Variants in SLC22A23 observed in about 807,000 individuals in gnomAD.
The protein encoded by SLC22A23 is ion transporter protein.
In SLC22A23, 26 loss-of-function variants were observed where a neutral mutation model predicts 61.0. The ratio of observed to expected loss-of-function variants is 0.43; its 90% confidence interval spans 0.31 to 0.59. SLC22A23 has a LOEUF of 0.59. SLC22A23 is among the 20% of genes least tolerant of loss of function. SLC22A23 has a pLI of 0.11. For synonymous variants in SLC22A23, 430 were observed against 413.9 expected, an observed-to-expected ratio of 1.04 and a Z score of -0.47; for missense variants, 796 against 934.7, an observed-to-expected ratio of 0.85 and a Z score of 1.94.
intron 1 of SLC22A23, among the ~76,000 whole-genome samples, chr6:3,422,640 A>G (rs1198643810): frequency 6.6e-6 from 1 of 152,152 alleles, no homozygotes; most frequent in East Asian, 1.9e-4. Context: ...ACAACTGCCA[A>G]TTAGAGTTGG....
intron 1 of SLC22A23, among the ~76,000 whole-genome samples, chr6:3,434,231 T>C (rs1347895690): frequency 6.6e-6 from 1 of 152,132 alleles, no homozygotes; most frequent in African/African-American, 2.4e-5. Context: ...GAGAATCACT[T>C]GAACCCGGGA....
chr6:3,374,831 CAAGT>C (rs757078146), intron 3 of SLC22A23, among the ~76,000 whole-genome samples: 8 of 152,122 alleles, frequency 5.3e-5, no homozygotes, highest in Non-Finnish European at 8.8e-5. Flanking sequence ...TAGATCTGTC[CAAGT>C]AAGACCTCAG....
intron 9 of SLC22A23, among the ~76,000 whole-genome samples, chr6:3,282,717 G>T (rs1292963817): frequency 3.3e-5 from 5 of 152,220 alleles, no homozygotes; most frequent in Non-Finnish European, 5.9e-5. Flanking sequence ...CCTTTAAGAA[G>T]TTCAGTGTGG....
chr6:3,365,716 A>T (rs977083582), intron 3 of SLC22A23, among the ~76,000 whole-genome samples: 2 of 152,196 alleles, frequency 1.3e-5, no homozygotes, highest in Non-Finnish European at 2.9e-5. Context: ...CCTATAGACA[A>T]GGGCTGAACC....
intron 3 of SLC22A23, among the ~76,000 whole-genome samples, chr6:3,394,936 C>A (rs1053443120): frequency 1.3e-5 from 2 of 152,168 alleles, no homozygotes; most frequent in Non-Finnish European, 2.9e-5. Context: ...GAGTCACAGG[C>A]AGGGGGCAGG....
At chr6:3,421,610 G>C (rs1770139728) in intron 1 of SLC22A23, among the ~76,000 whole-genome samples, 1 of 152,106 alleles carries the variant, frequency 6.6e-6, no homozygotes, top group South Asian at 2.1e-4. Flanking sequence ...CTAAAGAGTA[G>C]AAATAAGACT....
intron 1 of SLC22A23, among the ~76,000 whole-genome samples, chr6:3,447,540 G>C (rs1771953787): frequency 6.6e-6 from 1 of 151,844 alleles, no homozygotes; most frequent in Admixed American, 6.6e-5. Flanking sequence ...GCTCAGAACA[G>C]GCACTCAAAT....
chr6:3,288,868 G>A (rs758151158), intron 6 of SLC22A23, among the ~76,000 whole-genome samples: 2 of 152,156 alleles, frequency 1.3e-5, no homozygotes, highest in Non-Finnish European at 2.9e-5. Context: ...CTGTTGTTTG[G>A]GCAGTAGAGC....
In SLC22A23 at chr6:3,414,908, C is replaced by A. The variant is rs764768954; in HGVS notation, c.758+844G>T. On this transcript the variant is annotated intron_variant, in intron 2 of 9. Coordinates refer to ENST00000406686, the MANE Select transcript of SLC22A23 (RefSeq NM_015482.2). This position sits in a 1 kb window ranked among gnomAD's most constrained non-coding sequence, Gnocchi z 5.1. ...GACCACAGAATGCCTTAAATAAAAG[C>A]GCTGCAGCATCCTGGTGGAGGGGCA... 6.6e-6 allele frequency among the ~76,000 whole-genome samples: 1 copy of A among 152,136 alleles called. No individual in the cohort carries two copies. The highest frequency in any genetic ancestry group is 2.4e-5 in the African/African-American group (1 of 41,430).
At chr6:3,344,467 T>C (rs1173444988) in intron 3 of SLC22A23, among the ~76,000 whole-genome samples, 5 of 152,208 alleles carry the variant, frequency 3.3e-5, no homozygotes, top group Admixed American at 2.0e-4. Flanking sequence ...AAGGGCTGTA[T>C]TGAAAAGTTC....
rs554464088 is a variant in SLC22A23 at position 3,440,701 on chromosome 6, C to T, written c.654+15205G>A. Reference sequence around the variant, plus strand: ...TAGCCTGGGCAACAGAGCAAGACTCCGTCTCAGAAAAAAAAAAAAAAAGAA... The same window carrying T: ...TAGCCTGGGCAACAGAGCAAGACTCTGTCTCAGAAAAAAAAAAAAAAAGAA... On this transcript the variant is annotated intron_variant, in intron 1 of 9. Coordinates refer to ENST00000406686, the MANE Select transcript of SLC22A23 (RefSeq NM_015482.2). 7.8e-5 allele frequency among the ~76,000 whole-genome samples: 9 copies of T among 116,044 alleles called. 1 individual carries two copies. The highest frequency in any genetic ancestry group is 2.2e-4 in the African/African-American group (6 of 27,478). The allele number at this position is 116,044 out of a possible 152,430, so 76.1% of individuals were successfully genotyped here.
At chr6:3,285,941 G>A (rs2127318190) in intron 7 of SLC22A23, among the ~76,000 whole-genome samples, 1 of 152,248 alleles carries the variant, frequency 6.6e-6, no homozygotes, top group East Asian at 1.9e-4. Context: ...TGCCAGGGTG[G>A]GAGAAGAGGC....
chr6:3,441,263 G>A (rs939502233), intron 1 of SLC22A23, among the ~76,000 whole-genome samples: 1 of 152,148 alleles, frequency 6.6e-6, no homozygotes, highest in Non-Finnish European at 1.5e-5. Context: ...CAGACCCTTT[G>A]GGTGGACACG....
At chr6:3,430,028 G>T (rs1020627354) in intron 1 of SLC22A23, among the ~76,000 whole-genome samples, 4 of 152,086 alleles carry the variant, frequency 2.6e-5, no homozygotes, top group African/African-American at 9.7e-5. Flanking sequence ...CACTTAAAAT[G>T]GTTAATTTTA....
At position 3,342,271 on chromosome 6, in the gene SLC22A23, TAAC is replaced by T. The variant is rs1764195567; in HGVS notation, c.914-18272_914-18270del. 6.6e-6 allele frequency among the ~76,000 whole-genome samples: 1 copy of T among 150,940 alleles called. No homozygotes were observed. Among genetic ancestry groups the T allele is most frequent in the African/African-American group, 2.5e-5 (1 of 40,232 alleles). The stretch of plus-strand genomic sequence containing the variant: ...GCTGTTTTAAGGCCATGTGTCTCCT[TAAC>T]ATAACTCTTTTTCAAAAAGTCATTG... On this transcript the variant is annotated intron_variant, in intron 3 of 9. Transcript: ENST00000406686. The surrounding 1 kb of genome is among the most constrained non-coding windows in gnomAD (Gnocchi z 4.0).
At chr6:3,285,514 C>T (rs569484723) in intron 7 of SLC22A23, among the ~76,000 whole-genome samples, 2 of 152,278 alleles carry the variant, frequency 1.3e-5, no homozygotes, top group African/African-American at 4.8e-5. Context: ...GCTTGGTGTT[C>T]GCCTGGGGCT....
intron 8 of SLC22A23, 164 bp from the exon 9 acceptor site, chr6:3,284,139 A>G: frequency 1.6e-6 from 1 of 618,172 alleles, no homozygotes; most frequent in Non-Finnish European, 2.7e-6. Context: ...AAGGACTAGA[A>G]GCCCAGAGCC....
chr6:3,394,671 T>G lies in SLC22A23; in HGVS notation c.913+15517A>C, dbSNP rs111649173. On this transcript the variant is annotated intron_variant, in intron 3 of 9. Coordinates refer to ENST00000406686, the MANE Select transcript of SLC22A23 (RefSeq NM_015482.2). ...AAAGCAAAGCACATCACTTTGTCCC[T>G]CAAAAAGCTGGCAGTGGCTCTCCAG... Among the ~76,000 whole-genome samples the G allele has an allele frequency of 5.7e-4, 87 of 152,152 alleles. 2 individuals are homozygous for G. Among genetic ancestry groups the G allele is most frequent in the African/African-American group, 2.0e-3 (81 of 41,526 alleles).
At chr6:3,283,632 C>CCTG in intron 9 of SLC22A23, 1 of 571,400 alleles carries the variant, frequency 1.8e-6, no homozygotes, top group Non-Finnish European at 3.1e-6. Context: ...CCCCCTTCCT[C>CCTG]CTGCTGCTGC....
Sources: allele counts gnomAD v4.1 joint callset (sites outside exome capture counted in the v4.1 genomes callset), GRCh38; gene constraint gnomAD v4.1.1; non-coding constraint Gnocchi (gnomAD v3.1); transcripts MANE v1.5; gene names NCBI Gene and HGNC (gene_info 2026-07-23, HGNC 2026-07-21).